The following CTNNA3 variants were observed in gnomAD, a reference collection of about 807,000 sequenced individuals.
The protein encoded by CTNNA3 is catenin alpha-3.
In CTNNA3, 76 loss-of-function variants were observed where a neutral mutation model predicts 95.7. That is an observed-to-expected ratio of 0.79 (90% CI 0.66 to 0.96). The LOEUF (loss-of-function observed/expected upper bound fraction) is 0.96, where lower values mean the gene tolerates loss of function less well. Among genes scored for constraint, CTNNA3 ranks in the 40% least tolerant of loss-of-function variants. The pLI is 0.00. For synonymous variants in CTNNA3, 431 were observed against 374.4 expected (o/e 1.15, Z -1.74); for missense variants, 1,191 against 1,089.8 (o/e 1.09, Z -1.31).
At chr10:67,580,820 A>G (rs1415372086) in intron 3 of CTNNA3, among the ~76,000 whole-genome samples, 15 of 152,026 alleles carry the variant, frequency 9.9e-5, no homozygotes, top group African/African-American at 9.7e-5. Flanking sequence ...CTTTGAAGCA[A>G]TTGTGAATGG....
chr10:67,260,383 G>A (rs1866549660), intron 5 of CTNNA3, among the ~76,000 whole-genome samples: 1 of 152,164 alleles, frequency 6.6e-6, no homozygotes, highest in Non-Finnish European at 1.5e-5. Flanking sequence ...CTCTTTGTAA[G>A]TAGTCCTAAT....
chr10:66,015,632 T>C (rs150448241), intron 15 of CTNNA3, among the ~76,000 whole-genome samples: 2 of 152,312 alleles, frequency 1.3e-5, no homozygotes, highest in African/African-American at 4.8e-5. Context: ...ATTAAGTAAC[T>C]GTGACTGAGA....
intron 4 of CTNNA3, among the ~76,000 whole-genome samples, chr10:67,536,158 A>G (rs1056254158): frequency 1.3e-5 from 2 of 152,152 alleles, no homozygotes; most frequent in Admixed American, 6.5e-5. Flanking sequence ...ATTCTATGGT[A>G]TTTACCATAT....
intron 15 of CTNNA3, among the ~76,000 whole-genome samples, chr10:66,036,510 G>T (rs1454845236): frequency 2.0e-5 from 3 of 152,118 alleles, no homozygotes; most frequent in African/African-American, 2.4e-5. Flanking sequence ...GAGTAGCTGG[G>T]ATTACAGGCA....
chr10:67,038,822 A>G (rs1854222229), intron 7 of CTNNA3, among the ~76,000 whole-genome samples: 1 of 152,068 alleles, frequency 6.6e-6, no homozygotes, highest in Non-Finnish European at 1.5e-5. Flanking sequence ...TTTAAAAGTA[A>G]ATGCATAAAA....
At chr10:67,615,691 C>T (rs1843631183) in intron 2 of CTNNA3, among the ~76,000 whole-genome samples, 1 of 143,028 alleles carries the variant, frequency 7.0e-6, no homozygotes. Context: ...GAGACAGAGC[C>T]TCACTCCATC....
At chr10:67,004,069 A>G (rs905749313) in intron 7 of CTNNA3, among the ~76,000 whole-genome samples, 1 of 151,968 alleles carries the variant, frequency 6.6e-6, no homozygotes, top group Non-Finnish European at 1.5e-5. Flanking sequence ...TAACATAAAT[A>G]ACTTACCTGC....
chr10:66,578,307 T>C (rs1843070091), intron 10 of CTNNA3, among the ~76,000 whole-genome samples: 1 of 152,004 alleles, frequency 6.6e-6, no homozygotes, highest in African/African-American at 2.4e-5. Flanking sequence ...ATGCCTTTTA[T>C]TTCTTTGTCT....
intron 13 of CTNNA3, among the ~76,000 whole-genome samples, chr10:66,199,755 C>T (rs1236798163): frequency 8.7e-6 from 1 of 114,648 alleles, no homozygotes; most frequent in African/African-American, 3.6e-5. Context: ...GCGTGTGCCA[C>T]CACGCCTGGC....
At chr10:67,577,172 A>G (rs1477192712) in intron 3 of CTNNA3, among the ~76,000 whole-genome samples, 1 of 151,568 alleles carries the variant, frequency 6.6e-6, no homozygotes, top group East Asian at 2.0e-4. Flanking sequence ...TCCCACCAAC[A>G]GTGTAAAATT....
intron 7 of CTNNA3, among the ~76,000 whole-genome samples, chr10:66,965,781 G>A (rs1849382326): frequency 6.6e-6 from 1 of 152,042 alleles, no homozygotes; most frequent in South Asian, 2.1e-4. Context: ...AAGGATACTT[G>A]ATATAGGAGG....
chr10:66,407,602 A>T (rs540906278), intron 11 of CTNNA3, among the ~76,000 whole-genome samples: 12 of 150,646 alleles, frequency 8.0e-5, no homozygotes, highest in Non-Finnish European at 1.6e-4. Flanking sequence ...TTTTTTTGAG[A>T]CAGAGTCTCG....
chr10:66,967,963 T>A (rs1466071187), intron 7 of CTNNA3, among the ~76,000 whole-genome samples: 1 of 151,952 alleles, frequency 6.6e-6, no homozygotes, highest in Admixed American at 6.6e-5. Context: ...GATGAATGGG[T>A]TTTTTAACAG....
At chr10:66,277,682 G>A (rs951572878) in intron 13 of CTNNA3, among the ~76,000 whole-genome samples, 3 of 151,958 alleles carry the variant, frequency 2.0e-5, no homozygotes, top group Admixed American at 6.6e-5. Context: ...TCGTGTAGAG[G>A]TTCCCCTAGA....
intron 12 of CTNNA3, among the ~76,000 whole-genome samples, chr10:66,376,111 C>T (rs1051899641): frequency 6.6e-6 from 1 of 152,076 alleles, no homozygotes; most frequent in Admixed American, 6.6e-5. Flanking sequence ...AATTTTATAG[C>T]GTTCATAAAT....
At chr10:66,281,056 A>C (rs1255236228) in intron 12 of CTNNA3, among the ~76,000 whole-genome samples, 1 of 151,978 alleles carries the variant, frequency 6.6e-6, no homozygotes, top group African/African-American at 2.4e-5. Context: ...AAAGCAATTG[A>C]GTTGCTAAAC....
chr10:66,858,553 GC>G (rs1692762536), intron 7 of CTNNA3, among the ~76,000 whole-genome samples: 1 of 151,968 alleles, frequency 6.6e-6, no homozygotes, highest in African/African-American at 2.4e-5. Flanking sequence ...TGGTTGGTAG[GC>G]TTTTTGTTAA....
intron 7 of CTNNA3, among the ~76,000 whole-genome samples, chr10:66,835,988 GA>G (rs150151947): frequency 2.0e-4 from 29 of 146,100 alleles, no homozygotes; most frequent in African/African-American, 4.5e-4. Context: ...CTGTACTAGA[GA>G]AAAAAAAAAC....
In CTNNA3 at chr10:65,945,267, T is replaced by A. The variant is rs183991596; in HGVS notation, c.2400+21345A>T. ...TGTGAAAAATGGTTGGAATTTGTTA[T>A]GACAATATATAATCAGTGGTGCCTT... On this transcript the variant is annotated intron_variant, in intron 17 of 17. Coordinates refer to ENST00000433211, the MANE Select transcript of CTNNA3 (RefSeq NM_013266.4). Among the ~76,000 whole-genome samples the A allele has an allele frequency of 8.5e-5, 13 of 152,246 alleles. No homozygotes were observed. The East Asian group carries it at 2.5e-3, about 29-fold the overall frequency.
Sources: gnomAD v4.1 joint callset for allele counts (sites outside exome capture counted in the v4.1 genomes callset) on GRCh38, gnomAD v4.1.1 for gene constraint, MANE v1.5 for transcripts, NCBI Gene and HGNC (gene_info 2026-07-23, HGNC 2026-07-21) for gene names.